Variants in MRPL3 observed in about 807,000 individuals in gnomAD.
MRPL3 encodes the protein mitochondrial ribosomal protein L3.
MRPL3 carries 43 observed loss-of-function variants against 44.3 expected under a neutral mutation model. The observed-to-expected ratio is 0.97, with a 90% CI of 0.76 to 1.25. MRPL3 has a LOEUF of 1.25. Ranked by LOEUF, MRPL3 falls within the 50% of genes most tolerant of loss-of-function variation. MRPL3 has a pLI of 0.00. For synonymous variants in MRPL3, 171 were observed against 152.3 expected (o/e 1.12, Z -0.91); for missense variants, 406 against 427.6 (o/e 0.95, Z 0.45).
chr3:131,468,252 G>A lies in MRPL3; in HGVS notation c.817-84C>T, dbSNP rs567084981. On this transcript the variant is annotated intron_variant, in intron 8 of 9. Coordinates refer to ENST00000264995, the MANE Select transcript of MRPL3 (RefSeq NM_007208.4). ...TAAAAGCTGAGGATGTAAGTTGCTT[G>A]TAAAGTAATAAAAGATTATTACCAG... The A allele has an allele frequency of 5.4e-6, 4 of 741,782 alleles. No homozygotes were observed. In the East Asian group the frequency reaches 1.1e-4, roughly 20 times the overall value. The allele number at this position is 741,782 out of a possible 1,614,324, so 46.0% of individuals were successfully genotyped here. A position where few individuals can be genotyped will look rare whatever the true frequency, so the allele number is the denominator to read the frequency against.
At position 131,502,742 on chromosome 3, in the gene MRPL3, C is replaced by G. The variant is rs746980379; in HGVS notation, c.80G>C (p.Gly27Ala). Residue 27 changes from glycine (G) to alanine (A), a missense_variant, in exon 1 of 10, where the codon GGC (glycine) becomes GCC (alanine). Transcript: ENST00000264995. ...CACACCTTCCTACCTGTTCCCCGGG[C>G]CCAGGGCAGCACCCAGGCCGTCCCC... ...RLGDGLGAAL[G>A]PGNRTHIWLF... 5.6e-6 allele frequency: 9 copies of G among 1,610,544 alleles called. No individual in the cohort carries two copies. The highest frequency in any genetic ancestry group is 1.3e-5 in the African/African-American group (1 of 74,864).
At chr3:131,488,554 A>G (rs1418343192) in intron 5 of MRPL3, 6 of 152,148 alleles carry the variant, frequency 3.9e-5, no homozygotes, top group Admixed American at 1.3e-4. Context: ...AAATTCAAGA[A>G]TATAAGAATA....
Position 131,502,903 on chromosome 3 carries a change from G to A in MRPL3, c.-82C>T, listed in dbSNP as rs755964771. Reference sequence around the variant, plus strand: ...CAGGGAGTCCCCACGCCACCGCCACGTGGACGCAGTAGCCGTGGGGAAGTT... The same window carrying A: ...CAGGGAGTCCCCACGCCACCGCCACATGGACGCAGTAGCCGTGGGGAAGTT... On this transcript the variant is annotated 5_prime_UTR_variant, in exon 1 of 10. It adds an upstream start codon to the 5' untranslated region. Coordinates refer to ENST00000264995, the MANE Select transcript of MRPL3 (RefSeq NM_007208.4). 10 of 1,280,542 alleles carry A rather than the reference G, an allele frequency of 7.8e-6. No individual in the cohort carries two copies. The highest frequency in any genetic ancestry group is 5.9e-5 in the African/African-American group (4 of 67,894). 79.3% of individuals were successfully genotyped at this position (1,280,542 alleles called of 1,614,324 possible).
intron 9 of MRPL3, among the ~76,000 whole-genome samples, chr3:131,467,627 T>C (rs540021766): frequency 1.3e-5 from 2 of 152,216 alleles, no homozygotes; most frequent in South Asian, 2.1e-4. Flanking sequence ...GCTCCAGCCA[T>C]GTAAGACATG....
intron 4 of MRPL3, among the ~76,000 whole-genome samples, chr3:131,494,953 T>C (rs753601676): frequency 3.3e-5 from 5 of 152,154 alleles, no homozygotes; most frequent in Non-Finnish European, 5.9e-5. Context: ...ACAATGAAAA[T>C]GCCTCTCCTC....
intron 7 of MRPL3, 144 bp from the exon 8 acceptor site, chr3:131,469,917 A>G: frequency 1.8e-6 from 1 of 558,738 alleles, no homozygotes; most frequent in Non-Finnish European, 3.1e-6. Context: ...AAGGAACTAA[A>G]TATGGATTTA....
At chr3:131,463,060 A>T (rs548323683) in intron 9 of MRPL3, among the ~76,000 whole-genome samples, 185 bp from the exon 10 acceptor site, 294 of 152,346 alleles carry the variant, frequency 1.9e-3, no homozygotes, top group South Asian at 0.012. Context: ...AATTTGACTA[A>T]TCCAGTAACA....
Position 131,469,751 on chromosome 3 carries a change from C to T in MRPL3, c.761G>A (p.Gly254Glu), listed in dbSNP as rs894104831. 1.2e-6 allele frequency: 2 copies of T among 1,611,818 alleles called. No homozygotes were observed. Among genetic ancestry groups the T allele is most frequent in the African/African-American group, 2.7e-5 (2 of 74,932 alleles). ...TCCCATTTTTCCAGGCATTTTAGTTCCAGGCCAGACTCTGCCAATATCCTA... is the reference window on the plus strand; with the variant it reads ...TCCCATTTTTCCAGGCATTTTAGTTTCAGGCCAGACTCTGCCAATATCCTA... Reference protein sequence around the residue: ...ATGDIGRVWPGTKMPGKMGNI... With the variant: ...ATGDIGRVWPETKMPGKMGNI... The change falls in exon 8 of 10, where the codon GGA (glycine) becomes GAA (glutamate). Residue 254 changes from glycine to glutamate, a missense_variant. Gly to Glu is a moderately conservative substitution (Grantham distance 98). Transcript: ENST00000264995.
chr3:131,478,313 T>C (rs1454526281), intron 6 of MRPL3, among the ~76,000 whole-genome samples: 5 of 152,306 alleles, frequency 3.3e-5, no homozygotes, highest in African/African-American at 4.8e-5. Flanking sequence ...AGCCATTCAC[T>C]TGCAGTGTTT....
At chr3:131,500,255 G>T (rs189186733) in intron 3 of MRPL3, among the ~76,000 whole-genome samples, 175 bp downstream of exon 3, 1 of 152,208 alleles carries the variant, frequency 6.6e-6, no homozygotes, top group Non-Finnish European at 1.5e-5. Flanking sequence ...GCTCAGGCAA[G>T]AGTGAGAACA....
chr3:131,476,952 G>A (rs187407227), intron 6 of MRPL3, among the ~76,000 whole-genome samples: 5 of 152,260 alleles, frequency 3.3e-5, no homozygotes, highest in Admixed American at 3.3e-4. Context: ...AAGATGGTTT[G>A]AAGAAAAGGG....
chr3:131,467,609 T>C (rs1933641027), intron 9 of MRPL3, among the ~76,000 whole-genome samples: 1 of 152,096 alleles, frequency 6.6e-6, no homozygotes, highest in Admixed American at 6.6e-5. Context: ...CTTCCCTCTC[T>C]TCCTCCTGCT....
At chr3:131,469,806 G>C (rs1933703643) in intron 7 of MRPL3, 33 bp from the exon 8 acceptor site, 2 of 1,428,492 alleles carry the variant, frequency 1.4e-6, no homozygotes, top group South Asian at 1.2e-5. Context: ...ACACTTTTAA[G>C]TACTATCAAT....
At position 131,480,928 on chromosome 3, in the gene MRPL3, C is replaced by A. The variant is rs144866071; in HGVS notation, c.629+6752G>T. On this transcript the variant is annotated intron_variant, in intron 6 of 9. Coordinates refer to ENST00000264995, the MANE Select transcript of MRPL3 (RefSeq NM_007208.4). ...ACCTTAGAAACCATTTAGCCTCAGA[C>A]CCTCAGGTTAAAGATAATGAAATCG... is the stretch of plus-strand genomic sequence containing the variant. Among the ~76,000 whole-genome samples, 624 of 152,234 alleles carry A rather than the reference C, an allele frequency of 4.1e-3. 5 individuals carry two copies. The highest frequency in any genetic ancestry group is 0.014 in the African/African-American group (590 of 41,532).
intron 4 of MRPL3, among the ~76,000 whole-genome samples, chr3:131,496,405 G>T (rs1007590731): frequency 8.5e-5 from 13 of 152,132 alleles, no homozygotes; most frequent in Non-Finnish European, 1.0e-4. Flanking sequence ...AAAATAAATG[G>T]AGTATGCTAC....
intron 4 of MRPL3, 101 bp from the exon 5 acceptor site, chr3:131,490,181 T>A: frequency 1.3e-6 from 1 of 789,858 alleles, no homozygotes; most frequent in South Asian, 1.5e-5. Flanking sequence ...AGAAAATAAA[T>A]CAAAGCATAC....
intron 6 of MRPL3, among the ~76,000 whole-genome samples, chr3:131,475,433 G>C (rs1179149868): frequency 6.6e-6 from 1 of 152,180 alleles, no homozygotes; most frequent in Non-Finnish European, 1.5e-5. Flanking sequence ...GTTGAGGTGG[G>C]AGGGCTGCTT....
intron 6 of MRPL3, among the ~76,000 whole-genome samples, chr3:131,471,729 AC>A (rs948030770): frequency 6.6e-6 from 1 of 152,160 alleles, no homozygotes; most frequent in Non-Finnish European, 1.5e-5. Context: ...GTCTGGGTGA[AC>A]CTAGTCCCTT....
At chr3:131,494,561 T>C (rs1582718684) in intron 4 of MRPL3, among the ~76,000 whole-genome samples, 1 of 152,286 alleles carries the variant, frequency 6.6e-6, no homozygotes, top group Non-Finnish European at 1.5e-5. Flanking sequence ...GAAAATCCTT[T>C]ACTATTCTAA....
Sources: allele counts gnomAD v4.1 joint callset (sites outside exome capture counted in the v4.1 genomes callset), GRCh38; gene constraint gnomAD v4.1.1; transcripts MANE v1.5; gene names NCBI Gene and HGNC (gene_info 2026-07-23, HGNC 2026-07-21).